Variants in MAGI2 observed in about 807,000 individuals in gnomAD.
The protein encoded by MAGI2 is membrane-associated guanylate kinase, WW and PDZ domain-containing protein 2.
In MAGI2, 35 loss-of-function variants were observed where a neutral mutation model predicts 133.3. The ratio of observed to expected loss-of-function variants is 0.26; its 90% confidence interval spans 0.20 to 0.35. The LOEUF (loss-of-function observed/expected upper bound fraction) is 0.35, where lower values mean the gene tolerates loss of function less well. Among genes scored for constraint, MAGI2 ranks in the 10% least tolerant of loss-of-function variants. The pLI is 1.00. For synonymous variants in MAGI2, 729 were observed against 710.6 expected, an observed-to-expected ratio of 1.03 and a Z score of -0.41; for missense variants, 1,636 against 1,863.4, an observed-to-expected ratio of 0.88 and a Z score of 2.25.
At chr7:78,830,455 T>C (rs1194919841) in intron 2 of MAGI2, among the ~76,000 whole-genome samples, 4 of 152,180 alleles carry the variant, frequency 2.6e-5, no homozygotes, top group South Asian at 2.1e-4. Flanking sequence ...GTTCCCCTTG[T>C]AGTACTATCA....
rs57776940 is a variant in MAGI2 at position 78,654,703 on chromosome 7, G to GTA, written c.419-27466_419-27465dup. 1.4e-3 allele frequency among the ~76,000 whole-genome samples: 165 copies of GTA among 118,350 alleles called. 1 individual carries two copies. The highest frequency in any genetic ancestry group is 1.6e-3 in the East Asian group (6 of 3,842). The allele number at this position is 118,350 out of a possible 152,430, so 77.6% of individuals were successfully genotyped here. On this transcript the variant is annotated intron_variant, in intron 2 of 21. Transcript: ENST00000354212. ...TATTTGTGTGTACTTTTACATATAT[G>GTA]TATATATATATATATATATATATAT...
intron 1 of MAGI2, among the ~76,000 whole-genome samples, chr7:79,331,178 T>C (rs1266891570): frequency 1.3e-5 from 2 of 152,178 alleles, no homozygotes. Context: ...TTCAGGCTTT[T>C]GCAGAGAAAA....
intron 3 of MAGI2, among the ~76,000 whole-genome samples, chr7:78,560,112 G>A (rs1800253520): frequency 6.6e-6 from 1 of 152,174 alleles, no homozygotes; most frequent in South Asian, 2.1e-4. Context: ...GGAATTATGA[G>A]TGTGAGAAGG....
chr7:78,381,121 C>A (rs566501574), intron 6 of MAGI2, among the ~76,000 whole-genome samples: 2 of 152,044 alleles, frequency 1.3e-5, no homozygotes, highest in Admixed American at 1.3e-4. Flanking sequence ...CTGAGGCTGG[C>A]GGACCACTTG....
At chr7:78,788,377 A>T (rs1188261926) in intron 2 of MAGI2, among the ~76,000 whole-genome samples, 1 of 152,122 alleles carries the variant, frequency 6.6e-6, no homozygotes, top group African/African-American at 2.4e-5. Context: ...ATGCATTTTC[A>T]TCTTTCCCAT....
chr7:78,174,982 G>A (rs546586377), intron 14 of MAGI2, among the ~76,000 whole-genome samples: 1 of 152,296 alleles, frequency 6.6e-6, no homozygotes, highest in East Asian at 1.9e-4. Context: ...AAGGGTGATG[G>A]AAGTGTCACA....
chr7:79,019,919 G>A (rs554571771), intron 1 of MAGI2, among the ~76,000 whole-genome samples: 20 of 152,278 alleles, frequency 1.3e-4, no homozygotes, highest in African/African-American at 4.8e-4. Context: ...GTGGGGTGCT[G>A]CTGTAAAGAT....
At chr7:79,391,540 C>CATATATATATATATATATATATAGACAT (rs1198335417) in intron 1 of MAGI2, among the ~76,000 whole-genome samples, 1 of 46,704 alleles carries the variant, frequency 2.1e-5, no homozygotes, top group Non-Finnish European at 3.5e-5. Context: ...TATATATAGA[C>CATATATATATATATATATATATAGACAT]ATATATATAT....
intron 2 of MAGI2, among the ~76,000 whole-genome samples, chr7:78,744,078 T>C (rs1260425409): frequency 1.3e-5 from 2 of 152,196 alleles, no homozygotes; most frequent in Non-Finnish European, 2.9e-5. Context: ...AATTTTCTTT[T>C]TGTCTTTTAA....
chr7:78,790,753 T>G (rs965827203), intron 2 of MAGI2, among the ~76,000 whole-genome samples: 3 of 152,132 alleles, frequency 2.0e-5, no homozygotes, highest in African/African-American at 4.8e-5. Flanking sequence ...TATTTAATAT[T>G]AAGATTAATA....
At chr7:79,130,914 TTC>T (rs1820881782) in intron 1 of MAGI2, among the ~76,000 whole-genome samples, 2 of 152,026 alleles carry the variant, frequency 1.3e-5, no homozygotes, top group African/African-American at 4.8e-5. Context: ...CATTCATTCA[TTC>T]ATTCATTCAT....
rs116987498 is a variant in MAGI2, at chr7:78,664,471, T to C, written c.419-37232A>G. The stretch of plus-strand genomic sequence containing the variant: ...CCATTTTCGTTGATTATGTATCTTT[T>C]TTTAGATCTTAATCAGTAATTGAAA... On this transcript the variant is annotated intron_variant, in intron 2 of 21. Coordinates refer to ENST00000354212, the MANE Select transcript of MAGI2 (RefSeq NM_012301.4). Among the ~76,000 whole-genome samples, 636 of 152,196 alleles carry C rather than the reference T, an allele frequency of 4.2e-3. 12 individuals carry two copies. The East Asian group carries it at 0.05, about 12-fold the overall frequency.
At chr7:78,140,692 G>A (rs953882905) in intron 16 of MAGI2, among the ~76,000 whole-genome samples, 1 of 152,128 alleles carries the variant, frequency 6.6e-6, no homozygotes, top group African/African-American at 2.4e-5. Flanking sequence ...AATAATATAC[G>A]TGAAAATTAC....
chr7:78,072,705 G>A (rs1170767425), intron 21 of MAGI2: 7 of 393,604 alleles, frequency 1.8e-5, no homozygotes, highest in African/African-American at 4.1e-5. Flanking sequence ...TTTTGAGTTG[G>A]GGTCTTGCTC....
intron 9 of MAGI2, among the ~76,000 whole-genome samples, chr7:78,305,178 C>T (rs1218748727): frequency 2.6e-5 from 4 of 152,146 alleles, no homozygotes; most frequent in Non-Finnish European, 5.9e-5. Context: ...TAACATGCCC[C>T]ACGTGTTTTG....
At chr7:78,318,360 A>G (rs1038776529) in intron 9 of MAGI2, among the ~76,000 whole-genome samples, 2 of 152,234 alleles carry the variant, frequency 1.3e-5, no homozygotes, top group Admixed American at 1.3e-4. Context: ...GATTAAGCAG[A>G]AGAAAGGATA....
chr7:78,702,388 T>G (rs1211264268), intron 2 of MAGI2, among the ~76,000 whole-genome samples: 1 of 151,968 alleles, frequency 6.6e-6, no homozygotes, highest in Non-Finnish European at 1.5e-5. Context: ...GAGTAAGGAT[T>G]CCTAATACTT....
At chr7:78,465,742 C>A (rs182588363) in intron 6 of MAGI2, among the ~76,000 whole-genome samples, 6 of 152,262 alleles carry the variant, frequency 3.9e-5, no homozygotes, top group Admixed American at 1.3e-4. Context: ...TATGATTTCT[C>A]TGCTTAACTT....
At chr7:78,769,823 T>C (rs552952460) in intron 2 of MAGI2, among the ~76,000 whole-genome samples, 1 of 152,330 alleles carries the variant, frequency 6.6e-6, no homozygotes, top group African/African-American at 2.4e-5. Context: ...GAGCATCTTC[T>C]TGTTATAGTC....
Sources: gnomAD v4.1 joint callset for allele counts (sites outside exome capture counted in the v4.1 genomes callset) on GRCh38, gnomAD v4.1.1 for gene constraint, MANE v1.5 for transcripts, NCBI Gene and HGNC (gene_info 2026-07-23, HGNC 2026-07-21) for gene names.